The following PLAAT1 variants were observed in gnomAD, a reference collection of about 807,000 sequenced individuals.
PLAAT1 encodes H-REV107 protein-related protein.
In PLAAT1, 13 loss-of-function variants were observed where a neutral mutation model predicts 16.4. That is an observed-to-expected ratio of 0.79 (90% CI 0.52 to 1.26). PLAAT1 has a LOEUF of 1.26. Among genes scored for constraint, PLAAT1 ranks in the 50% most tolerant of loss-of-function variants. The pLI is 0.00. For synonymous variants in PLAAT1, 73 were observed against 78.4 expected, an observed-to-expected ratio of 0.93 and a Z score of 0.36; for missense variants, 218 against 207.8, an observed-to-expected ratio of 1.05 and a Z score of -0.30.
intron 1 of PLAAT1, among the ~76,000 whole-genome samples, chr3:193,255,309 A>AT (rs1267452091): frequency 6.6e-6 from 1 of 152,106 alleles, no homozygotes; most frequent in African/African-American, 2.4e-5. Context: ...AATCCTTGAT[A>AT]TTTTTAAAAT....
At chr3:193,259,217 A>G (rs562474428) in intron 2 of PLAAT1, among the ~76,000 whole-genome samples, 1 of 152,276 alleles carries the variant, frequency 6.6e-6, no homozygotes, top group South Asian at 2.1e-4. Context: ...CCTGAAGAGA[A>G]TAGGCATTGA....
chr3:193,243,963 T>C (rs1014029261), intron 1 of PLAAT1, among the ~76,000 whole-genome samples: 11 of 152,248 alleles, frequency 7.2e-5, no homozygotes, highest in East Asian at 1.9e-4. Flanking sequence ...TGGAATGATA[T>C]AGTGTGTGAC....
chr3:193,253,335 G>A (rs891917835), intron 1 of PLAAT1, among the ~76,000 whole-genome samples: 2 of 152,050 alleles, frequency 1.3e-5, no homozygotes, highest in Non-Finnish European at 2.9e-5. Flanking sequence ...TTGAAAATTT[G>A]TTAAATATAT....
intron 3 of PLAAT1, among the ~76,000 whole-genome samples, chr3:193,265,412 C>G (rs753832580): frequency 7.9e-5 from 12 of 152,090 alleles, no homozygotes; most frequent in Non-Finnish European, 1.6e-4. Context: ...ATTATTTCAT[C>G]GATATGAGAT....
downstream of PLAAT1, among the ~76,000 whole-genome samples, chr3:193,275,460 C>T (rs914413249): frequency 6.6e-6 from 1 of 152,128 alleles, no homozygotes; most frequent in Admixed American, 6.5e-5. Flanking sequence ...GGAATTCTGC[C>T]CTTAAGAAGC....
chr3:193,278,500 T>A (rs1286167842), downstream of PLAAT1, among the ~76,000 whole-genome samples: 1 of 152,210 alleles, frequency 6.6e-6, no homozygotes, highest in African/African-American at 2.4e-5. Context: ...AAGCCTTGCT[T>A]TTGATTTCTG....
At chr3:193,260,132 C>T (rs1038028213) in intron 2 of PLAAT1, among the ~76,000 whole-genome samples, 2 of 152,030 alleles carry the variant, frequency 1.3e-5, no homozygotes, top group African/African-American at 4.8e-5. Context: ...ATAAATGGTG[C>T]TGGAATAACT....
rs1715743131 is a variant in PLAAT1 at position 193,241,480 on chromosome 3, G to A, written c.-54G>A. 2 of 1,231,882 alleles carry A rather than the reference G, an allele frequency of 1.6e-6. No individual in the cohort carries two copies. The highest frequency in any genetic ancestry group is 3.1e-5 in the African/African-American group (2 of 64,436). 76.3% of individuals were successfully genotyped at this position (1,231,882 alleles called of 1,614,324 possible). A position where few individuals can be genotyped will look rare whatever the true frequency, so the allele number is the denominator to read the frequency against. On this transcript the variant is annotated 5_prime_UTR_variant, in exon 1 of 4. Coordinates refer to ENST00000264735, the MANE Select transcript of PLAAT1 (RefSeq NM_020386.5). ...AGCTGCGAGGCCAAGAGAGACCCCA[G>A]GACACACACAGCTGCCTCCCGGTGC...
intron 1 of PLAAT1, among the ~76,000 whole-genome samples, chr3:193,252,001 G>T (rs1366018366): frequency 3.3e-5 from 5 of 152,098 alleles, no homozygotes; most frequent in Non-Finnish European, 5.9e-5. Flanking sequence ...TAGTCTGTTT[G>T]CATTACTATA....
downstream of PLAAT1, among the ~76,000 whole-genome samples, chr3:193,271,279 T>C (rs1380437087): frequency 6.6e-6 from 1 of 152,134 alleles, no homozygotes; most frequent in Non-Finnish European, 1.5e-5. Flanking sequence ...GGGTTTCAGT[T>C]CCGGTGATTT....
At chr3:193,276,826 A>G in intron 2 of PLAAT1, 1 of 1,612,654 alleles carries the variant, frequency 6.2e-7, no homozygotes, top group African/African-American at 1.3e-5. Context: ...TATGGTTGGG[A>G]TCAACTGTTG....
chr3:193,250,652 A>G (rs1303118135), intron 1 of PLAAT1, among the ~76,000 whole-genome samples: 1 of 152,118 alleles, frequency 6.6e-6, no homozygotes, highest in Non-Finnish European at 1.5e-5. Context: ...TCTTGCTGGC[A>G]CAAGCCAGAG....
intron 1 of PLAAT1, among the ~76,000 whole-genome samples, chr3:193,244,237 T>C (rs1715887824): frequency 6.6e-6 from 1 of 152,146 alleles, no homozygotes; most frequent in African/African-American, 2.4e-5. Flanking sequence ...TCATTGTCTT[T>C]ATTCTCAGGG....
intron 2 of PLAAT1, among the ~76,000 whole-genome samples, chr3:193,260,614 C>A (rs1716549243): frequency 2.0e-5 from 3 of 151,862 alleles, no homozygotes. Flanking sequence ...CATCACTAAT[C>A]ATAGAAATGC....
At chr3:193,274,454 A>G (rs1460604836), downstream of PLAAT1, among the ~76,000 whole-genome samples, 3 of 152,206 alleles carry the variant, frequency 2.0e-5, no homozygotes, top group Admixed American at 1.3e-4. Flanking sequence ...CCAAGATTAT[A>G]TGGAATTAAC....
At chr3:193,272,303 C>T (rs1303434053), downstream of PLAAT1, among the ~76,000 whole-genome samples, 10 of 151,930 alleles carry the variant, frequency 6.6e-5, no homozygotes, top group African/African-American at 9.7e-5. Flanking sequence ...ATTAGCCAGG[C>T]GTGGTGGCGG....
chr3:193,270,718 G>A lies in PLAAT1; in HGVS notation c.*13G>A, dbSNP rs532044375. 1.2e-6 allele frequency: 2 copies of A among 1,609,804 alleles called. No individual in the cohort carries two copies. The highest frequency in any genetic ancestry group is 2.2e-5 in the South Asian group (2 of 90,428). ...AAAATACTATTAACAATTTACCAAA[G>A]AGATATTGATATTGAAGGAATTTGG... On this transcript the variant is annotated 3_prime_UTR_variant, in exon 4 of 4. Coordinates refer to ENST00000264735, the MANE Select transcript of PLAAT1 (RefSeq NM_020386.5).
At chr3:193,253,759 T>G (rs1716278584) in intron 1 of PLAAT1, among the ~76,000 whole-genome samples, 2 of 152,178 alleles carry the variant, frequency 1.3e-5, no homozygotes, top group African/African-American at 4.8e-5. Context: ...TATTAGGGTT[T>G]CAGTGGGTAT....
At chr3:193,262,387 C>T (rs1162820166) in intron 2 of PLAAT1, among the ~76,000 whole-genome samples, 1 of 142,578 alleles carries the variant, frequency 7.0e-6, no homozygotes, top group East Asian at 2.1e-4. Context: ...AGGAAAAAAG[C>T]AGGGCCCCAG....
Sources: gnomAD v4.1 joint callset for allele counts (sites outside exome capture counted in the v4.1 genomes callset) on GRCh38, gnomAD v4.1.1 for gene constraint, MANE v1.5 for transcripts, NCBI Gene and HGNC (gene_info 2026-07-23, HGNC 2026-07-21) for gene names.